MAP3K2: variants seen among roughly 807,000 people sequenced by gnomAD.
MAP3K2 encodes the protein MAP/ERK kinase kinase 2.
A neutral mutation model predicts 80.3 loss-of-function variants in MAP3K2; 24 were observed. The ratio of observed to expected loss-of-function variants is 0.30; its 90% CI spans 0.22 to 0.42. MAP3K2 has a LOEUF of 0.42. MAP3K2 is among the 10% of genes least tolerant of loss of function. The probability of loss-of-function intolerance (pLI) is 1.00; values close to 1 mark genes in which losing one functional copy is unlikely to be tolerated. For synonymous variants in MAP3K2, 244 were observed against 253.7 expected (o/e 0.96, Z 0.36); for missense variants, 608 against 750.1 (o/e 0.81, Z 2.21).
chr2:127,322,920 A>T lies in MAP3K2; in HGVS notation c.839-668T>A, dbSNP rs1446273105. Among the ~76,000 whole-genome samples, 1 of 150,566 alleles carries T rather than the reference A, an allele frequency of 6.6e-6. No homozygotes were observed. The highest frequency in any genetic ancestry group is 2.0e-4 in the East Asian group (1 of 5,008). ...AGTAATTTTTTTTCTTAAAGGGATG[A>T]TGTAAGTATCAATCTCATCATCAAA... On this transcript the variant is annotated intron_variant, in intron 11 of 16. Transcript: ENST00000682094. The surrounding 1 kb of genome is among the most constrained non-coding windows in gnomAD (Gnocchi z 4.2).
At position 127,321,989 on chromosome 2, in the gene MAP3K2, A is replaced by G. The variant is rs1170456666; in HGVS notation, c.1045+57T>C. On this transcript the variant is annotated intron_variant, in intron 12 of 16. Transcript: ENST00000682094. This position sits in a 1 kb window ranked among gnomAD's most constrained non-coding sequence, Gnocchi z 4.4. ...CTTAGTATTTATTCCTTTTAATAAT[A>G]TAAAATTCTGCAAAGATTCTGCTCT... is the stretch of plus-strand genomic sequence containing the variant. 1.1e-5 allele frequency: 16 copies of G among 1,435,324 alleles called. No individual in the cohort carries two copies. In the Admixed American group the frequency reaches 1.4e-4, roughly 12 times the overall value. The allele number at this position is 1,435,324 out of a possible 1,614,324, so 88.9% of individuals were successfully genotyped here. A position where few individuals can be genotyped will look rare whatever the true frequency, so the allele number is the denominator to read the frequency against.
intron 7 of MAP3K2, among the ~76,000 whole-genome samples, chr2:127,329,313 T>G (rs1296910299): frequency 6.6e-6 from 1 of 152,100 alleles, no homozygotes; most frequent in African/African-American, 2.4e-5. Flanking sequence ...TTTTAATACA[T>G]TATAATTACT....
rs922072443 is a variant in MAP3K2, at chr2:127,315,754, C to G, written c.1327-871G>C. ...AGGAGTTCAAGACCAGCCTGGCCAACAGGGTGAAACCCCATCTCTACTAAA... is the reference window on the plus strand; with the variant it reads ...AGGAGTTCAAGACCAGCCTGGCCAAGAGGGTGAAACCCCATCTCTACTAAA... On this transcript the variant is annotated intron_variant, in intron 14 of 16. Transcript: ENST00000682094. Among the ~76,000 whole-genome samples the G allele has an allele frequency of 1.7e-4, 26 of 152,118 alleles. 1 individual carries two copies. The highest frequency in any genetic ancestry group is 6.3e-4 in the African/African-American group (26 of 41,414).
At chr2:127,338,394 C>T (rs909740808) in intron 3 of MAP3K2, among the ~76,000 whole-genome samples, 1 of 152,080 alleles carries the variant, frequency 6.6e-6, no homozygotes, top group Non-Finnish European at 1.5e-5. Flanking sequence ...GGTAAACTCA[C>T]GTCACGGGGA....
intron 1 of MAP3K2, among the ~76,000 whole-genome samples, chr2:127,385,517 A>G (rs781654877): frequency 6.6e-6 from 1 of 152,204 alleles, no homozygotes; most frequent in Non-Finnish European, 1.5e-5. Flanking sequence ...CTTTTCCTTT[A>G]TTGCAGTGGT....
At chr2:127,371,064 T>C (rs1199891655) in intron 1 of MAP3K2, among the ~76,000 whole-genome samples, 1 of 152,214 alleles carries the variant, frequency 6.6e-6, no homozygotes, top group African/African-American at 2.4e-5. Flanking sequence ...TTTCTTTTAA[T>C]GCTTATAAAA....
intron 11 of MAP3K2, among the ~76,000 whole-genome samples, chr2:127,323,339 G>C (rs1013697684): frequency 2.7e-5 from 4 of 148,866 alleles, no homozygotes; most frequent in Admixed American, 6.7e-5. Context: ...CTGGGTGACA[G>C]AACAGAGTGA....
At chr2:127,353,124 G>A (rs28666494) in intron 1 of MAP3K2, among the ~76,000 whole-genome samples, 10 of 152,014 alleles carry the variant, frequency 6.6e-5, no homozygotes, top group African/African-American at 7.3e-5. Context: ...CCGCCACCCC[G>A]TCTGGGAAGT....
At chr2:127,380,546 G>A (rs1438350790) in intron 1 of MAP3K2, among the ~76,000 whole-genome samples, 1 of 152,016 alleles carries the variant, frequency 6.6e-6, no homozygotes, top group Non-Finnish European at 1.5e-5. Flanking sequence ...AGTGACAGTA[G>A]GGAATCTAAA....
Position 127,326,759 on chromosome 2 carries a change from G to T in MAP3K2, c.525C>A (p.His175Gln). The T allele has an allele frequency of 6.2e-7, 1 of 1,606,002 alleles. No homozygotes were observed. Among genetic ancestry groups the T allele is most frequent in the Non-Finnish European group, 8.5e-7 (1 of 1,175,196 alleles). The change falls in exon 8 of 17, where the codon CAC becomes CAA. Residue 175 changes from histidine to glutamine, a missense_variant. Transcript: ENST00000682094. ...PPPGYIPDEL[H>Q]QVARNGSFTS... ...TGAATGACCCATTCCGGGCAACCTG[G>T]TGTAATTCATCTGGAATGTAACCTG...
At chr2:127,325,852 A>G in intron 8 of MAP3K2, 45 bp from the exon 9 acceptor site, 2 of 1,373,904 alleles carry the variant, frequency 1.5e-6, no homozygotes, top group Non-Finnish European at 2.1e-6. Flanking sequence ...TGATATAACC[A>G]AAAGTTGCTT....
chr2:127,338,901 T>C (rs1451411499), intron 3 of MAP3K2, 31 bp downstream of exon 3: 1 of 1,392,214 alleles, frequency 7.2e-7, no homozygotes, highest in East Asian at 2.5e-5. Context: ...AGGAAAGTAA[T>C]TCATAAAAAA....
intron 1 of MAP3K2, among the ~76,000 whole-genome samples, chr2:127,352,091 G>C (rs72845995): frequency 0.034 from 5,159 of 152,000 alleles, 125 homozygotes; most frequent in Middle Eastern, 0.071. Context: ...TGCCCAGTCT[G>C]GTCTTGAACT....
chr2:127,318,216 C>A lies in MAP3K2; in HGVS notation c.1147G>T (p.Ala383Ser). 6.2e-6 allele frequency: 10 copies of A among 1,611,328 alleles called. No homozygotes were observed. The highest frequency in any genetic ancestry group is 8.5e-6 in the Non-Finnish European group (10 of 1,178,864). The part of the protein sequence containing the change: ...CYDVDTGREL[A>S]VKQVQFDPDS... The stretch of plus-strand genomic sequence containing the variant: ...GGGTCAAATTGAACTTGCTTAACAG[C>A]CAATTCTCTTCCTGTATCAACATCA... Residue 383 changes from alanine (A) to serine (S), a missense_variant, in exon 13 of 17, where the codon GCT (alanine) becomes TCT (serine). Physicochemically the swap from Ala to Ser is moderately conservative, Grantham distance 99 (BLOSUM62 1). Transcript: ENST00000682094.
At chr2:127,384,663 G>A (rs1221563746) in intron 1 of MAP3K2, among the ~76,000 whole-genome samples, 1 of 151,734 alleles carries the variant, frequency 6.6e-6, no homozygotes, top group Non-Finnish European at 1.5e-5. Flanking sequence ...AGGAAACAAA[G>A]TGGCCTTTTT....
Position 127,306,664 on chromosome 2 carries a change from G to A in MAP3K2, c.*915C>T, listed in dbSNP as rs1300698468. 6.6e-6 allele frequency: 1 copy of A among 152,060 alleles called. No homozygotes were observed. Among genetic ancestry groups the A allele is most frequent in the Non-Finnish European group, 1.5e-5 (1 of 68,010 alleles). 9.4% of individuals were successfully genotyped at this position (152,060 alleles called of 1,614,324 possible). A position where few individuals can be genotyped will look rare whatever the true frequency, so the allele number is the denominator to read the frequency against. ...TATTTCTCCATTCCTTTAATTTTGGGACGTCCCCCTCAAGTAAAACAAAAC... is the reference window on the plus strand; with the variant it reads ...TATTTCTCCATTCCTTTAATTTTGGAACGTCCCCCTCAAGTAAAACAAAAC... On this transcript the variant is annotated 3_prime_UTR_variant, in exon 17 of 17. Transcript: ENST00000682094. The surrounding 1 kb of genome is among the most constrained non-coding windows in gnomAD (Gnocchi z 4.7).
chr2:127,374,173 CCA>C (rs1225819732), intron 1 of MAP3K2, among the ~76,000 whole-genome samples: 2 of 152,158 alleles, frequency 1.3e-5, no homozygotes, highest in Non-Finnish European at 2.9e-5. Context: ...GAAACTTTCT[CCA>C]CTCAGCTCAT....
At chr2:127,388,335 G>A (rs189482357), upstream of MAP3K2, 14 of 985,538 alleles carry the variant, frequency 1.4e-5, no homozygotes, top group Admixed American at 7.4e-4. Flanking sequence ...GCTGTGGACA[G>A]GGCCCAAGGG....
At chr2:127,320,390 G>C (rs1302572867) in intron 12 of MAP3K2, among the ~76,000 whole-genome samples, 2 of 152,054 alleles carry the variant, frequency 1.3e-5, no homozygotes, top group South Asian at 4.2e-4. Flanking sequence ...CAAGGCTGAG[G>C]AAAGAATCAG....
Sources: allele counts gnomAD v4.1 joint callset (sites outside exome capture counted in the v4.1 genomes callset), GRCh38; gene constraint gnomAD v4.1.1; non-coding constraint Gnocchi (gnomAD v3.1); transcripts MANE v1.5; gene names NCBI Gene and HGNC (gene_info 2026-07-23, HGNC 2026-07-21).